SCHIP1: variants seen among roughly 807,000 people sequenced by gnomAD.
SCHIP1 encodes the protein schwannomin interacting protein 1.
Under a neutral mutation model 29.7 loss-of-function variants are expected in SCHIP1, and 8 were observed. The ratio of observed to expected loss-of-function variants is 0.27; its 90% confidence interval spans 0.16 to 0.49. The LOEUF is 0.49. Ranked by LOEUF, SCHIP1 falls within the 20% of genes least tolerant of loss-of-function variation. The pLI is 0.99. For synonymous variants in SCHIP1, 76 were observed against 94.9 expected, an observed-to-expected ratio of 0.80 and a Z score of 1.16; for missense variants, 193 against 294.6, an observed-to-expected ratio of 0.66 and a Z score of 2.52.
chr3:159,495,096 G>A, the SCHIP1 span, among the ~76,000 whole-genome samples: 1 of 152,146 alleles, frequency 6.6e-6, no homozygotes, highest in Non-Finnish European at 1.5e-5. Context: ...AGGCATTGAT[G>A]GGACGTATCT....
intron 2 of SCHIP1, among the ~76,000 whole-genome samples, chr3:159,874,883 A>G (rs1715629548): frequency 6.6e-6 from 1 of 152,218 alleles, no homozygotes; most frequent in South Asian, 2.1e-4. Flanking sequence ...AACATTTCAT[A>G]TTAGTCTCAT....
At chr3:159,727,400 C>T in the SCHIP1 span, among the ~76,000 whole-genome samples, 1 of 152,168 alleles carries the variant, frequency 6.6e-6, no homozygotes, top group Non-Finnish European at 1.5e-5. Context: ...TTTTTTTCCA[C>T]TGCTGTATCC....
At chr3:159,780,626 GT>G in the SCHIP1 span, among the ~76,000 whole-genome samples, 14 of 152,320 alleles carry the variant, frequency 9.2e-5, no homozygotes, top group East Asian at 2.7e-3. Context: ...AACATGCCAA[GT>G]TGGCATCCTA....
the SCHIP1 span, among the ~76,000 whole-genome samples, chr3:159,307,092 T>C: frequency 6.6e-6 from 1 of 152,078 alleles, no homozygotes. Context: ...TATCCAAAAA[T>C]AGGGAAAAGG....
chr3:159,307,458 G>A, the SCHIP1 span, among the ~76,000 whole-genome samples: 1 of 152,170 alleles, frequency 6.6e-6, no homozygotes, highest in Non-Finnish European at 1.5e-5. Context: ...AGCAAGGGCT[G>A]GTAGGGAATA....
chr3:159,739,016 A>G, the SCHIP1 span, among the ~76,000 whole-genome samples: 1 of 152,098 alleles, frequency 6.6e-6, no homozygotes, highest in African/African-American at 2.4e-5. Flanking sequence ...GGGTGCTGCA[A>G]CCTCTCTATT....
chr3:159,424,876 G>C, the SCHIP1 span, among the ~76,000 whole-genome samples: 4 of 149,770 alleles, frequency 2.7e-5, no homozygotes, highest in Admixed American at 1.3e-4. Flanking sequence ...AAGAGAGTGG[G>C]GGCCAATATT....
the SCHIP1 span, among the ~76,000 whole-genome samples, chr3:159,344,829 C>A: frequency 6.6e-6 from 1 of 152,134 alleles, no homozygotes; most frequent in African/African-American, 2.4e-5. Context: ...TAAATTGTGA[C>A]AAACGTATCA....
At chr3:159,574,457 T>C in the SCHIP1 span, among the ~76,000 whole-genome samples, 2 of 152,322 alleles carry the variant, frequency 1.3e-5, no homozygotes, top group South Asian at 4.1e-4. Flanking sequence ...ACAGCAAATA[T>C]TGCTGCCTGA....
the SCHIP1 span, among the ~76,000 whole-genome samples, chr3:159,424,617 G>A: frequency 6.6e-6 from 1 of 152,198 alleles, no homozygotes; most frequent in Non-Finnish European, 1.5e-5. Flanking sequence ...AAAACACTCT[G>A]CAGGATATTA....
At chr3:159,305,899 A>G in the SCHIP1 span, among the ~76,000 whole-genome samples, 1 of 152,106 alleles carries the variant, frequency 6.6e-6, no homozygotes, top group Non-Finnish European at 1.5e-5. Flanking sequence ...CTCCAATTTC[A>G]CTTGTCTTTC....
chr3:159,778,405 C>A, the SCHIP1 span, among the ~76,000 whole-genome samples: 1 of 152,158 alleles, frequency 6.6e-6, no homozygotes, highest in African/African-American at 2.4e-5. Flanking sequence ...CCTTCAGCAG[C>A]TTCCCCTTAT....
rs1716973868 is a variant in SCHIP1 at position 159,886,476 on chromosome 3, T to C, written c.267+152T>C. Reference sequence around the variant, plus strand: ...GCATGCTCCTAAAATTTGACAATGATTAAAAAGTCAAAGTTGTAATAAAAT... The same window carrying C: ...GCATGCTCCTAAAATTTGACAATGACTAAAAAGTCAAAGTTGTAATAAAAT... On this transcript the variant is annotated intron_variant, in intron 3 of 6. Transcript: ENST00000445224. The C allele has an allele frequency of 1.1e-5, 7 of 629,492 alleles. No individual in the cohort carries two copies. In the Admixed American group the frequency reaches 2.1e-4, roughly 19 times the overall value. 39.0% of individuals were successfully genotyped at this position (629,492 alleles called of 1,614,324 possible). A position where few individuals can be genotyped will look rare whatever the true frequency, so the allele number is the denominator to read the frequency against.
At chr3:159,670,673 G>C in the SCHIP1 span, among the ~76,000 whole-genome samples, 2 of 152,120 alleles carry the variant, frequency 1.3e-5, no homozygotes, top group Non-Finnish European at 2.9e-5. Context: ...AAGCCAATGA[G>C]AGTCATATTT....
the SCHIP1 span, among the ~76,000 whole-genome samples, chr3:159,557,609 A>G: frequency 1.1e-4 from 16 of 152,218 alleles, no homozygotes; most frequent in Non-Finnish European, 2.9e-5. Context: ...TGAGCCCAAG[A>G]GTTCAAGATA....
chr3:159,769,412 C>T, the SCHIP1 span, among the ~76,000 whole-genome samples: 2 of 152,310 alleles, frequency 1.3e-5, no homozygotes, highest in Admixed American at 6.5e-5. Context: ...CTAGCCTGTT[C>T]CCTGTCTCTG....
the SCHIP1 span, among the ~76,000 whole-genome samples, chr3:159,438,032 A>G: frequency 1.3e-3 from 204 of 152,258 alleles, 2 homozygotes; most frequent in Admixed American, 7.1e-3. Context: ...GGATGATTTC[A>G]TATATGTAAA....
chr3:159,648,463 G>A, the SCHIP1 span, among the ~76,000 whole-genome samples: 12 of 152,076 alleles, frequency 7.9e-5, no homozygotes, highest in Admixed American at 5.9e-4. Context: ...ATGGTCATGA[G>A]GACTAAGCAA....
At chr3:159,717,711 C>G in the SCHIP1 span, among the ~76,000 whole-genome samples, 3 of 152,172 alleles carry the variant, frequency 2.0e-5, no homozygotes, top group Non-Finnish European at 1.5e-5. Context: ...AGACCAATAA[C>G]AGGCTCTGAA....
Sources: gnomAD v4.1 joint callset for allele counts (sites outside exome capture counted in the v4.1 genomes callset) on GRCh38, gnomAD v4.1.1 for gene constraint, MANE v1.5 for transcripts, NCBI Gene and HGNC (gene_info 2026-07-23, HGNC 2026-07-21) for gene names.